UGGT2: variants seen among roughly 807,000 people sequenced by gnomAD.
UGGT2 encodes the protein UDP-glucose:glycoprotein glucosyltransferase 2.
Under a neutral mutation model 192.1 loss-of-function variants are expected in UGGT2, and 180 were observed. The observed-to-expected ratio is 0.94, with a 90% confidence interval of 0.83 to 1.06. The LOEUF (loss-of-function observed/expected upper bound fraction) is 1.06. Among genes scored for constraint, UGGT2 ranks in the 50% least tolerant of loss-of-function variants. The pLI, the probability that UGGT2 is intolerant of heterozygous loss-of-function variation, is 0.00. For missense variants in UGGT2, 1,849 were observed against 1,795.7 expected, an observed-to-expected ratio of 1.03 and a Z score of -0.54; for synonymous variants, 580 against 591.0, an observed-to-expected ratio of 0.98 and a Z score of 0.27.
At chr13:95,859,168 C>T (rs1489649335) in intron 33 of UGGT2, among the ~76,000 whole-genome samples, 1 of 152,018 alleles carries the variant, frequency 6.6e-6, no homozygotes. Context: ...ACTACACAGA[C>T]GAAAGAGCTT....
At chr13:95,829,437 A>G (rs1886422043) in intron 38 of UGGT2, among the ~76,000 whole-genome samples, 2 of 152,200 alleles carry the variant, frequency 1.3e-5, no homozygotes, top group South Asian at 4.1e-4. Flanking sequence ...TCTCAACCCC[A>G]AATCTCCTTA....
chr13:95,956,634 G>T (rs1466582282), intron 12 of UGGT2, among the ~76,000 whole-genome samples: 1 of 152,178 alleles, frequency 6.6e-6, no homozygotes, highest in African/African-American at 2.4e-5. Context: ...TCATTAGGAT[G>T]GCAATTGCCA....
intron 2 of UGGT2, among the ~76,000 whole-genome samples, chr13:96,024,308 T>C (rs2052601568): frequency 6.6e-6 from 1 of 152,112 alleles, no homozygotes; most frequent in Admixed American, 6.5e-5. Context: ...TTGCCTACTA[T>C]AAACCCTATT....
intron 15 of UGGT2, among the ~76,000 whole-genome samples, chr13:95,945,028 A>T (rs1566737941): frequency 6.6e-6 from 1 of 151,840 alleles, no homozygotes; most frequent in African/African-American, 2.4e-5. Context: ...TTTTATGGCT[A>T]CCTTAGATTT....
chr13:96,031,792 G>T, intron 2 of UGGT2, 97 bp downstream of exon 2: 1 of 820,976 alleles, frequency 1.2e-6, no homozygotes. Context: ...ACCCAGTGAA[G>T]CATTCACACT....
At chr13:95,973,080 G>T (rs915266317) in intron 10 of UGGT2, among the ~76,000 whole-genome samples, 5 of 152,170 alleles carry the variant, frequency 3.3e-5, no homozygotes, top group South Asian at 2.1e-4. Flanking sequence ...TGAGGCAGGA[G>T]AATCACTTGA....
chr13:95,951,978 A>G (rs2050077209), intron 12 of UGGT2, among the ~76,000 whole-genome samples: 1 of 151,854 alleles, frequency 6.6e-6, no homozygotes, highest in African/African-American at 2.4e-5. Flanking sequence ...GAATCGCTTG[A>G]ACCCAGGAGG....
Position 95,952,385 on chromosome 13 carries a change from A to G in UGGT2, c.1336-2931T>C, listed in dbSNP as rs529194879. The stretch of plus-strand genomic sequence containing the variant: ...GTTCCAGGACTCCCCGAGGATACCA[A>G]AATCTAAGAATATGCAAGTCTCTAA... On this transcript the variant is annotated intron_variant, in intron 12 of 38. Coordinates refer to ENST00000376747, the MANE Select transcript of UGGT2 (RefSeq NM_020121.4). Among the ~76,000 whole-genome samples, 3 of 152,234 alleles carry G rather than the reference A, an allele frequency of 2.0e-5. No homozygotes were observed. The South Asian group carries it at 6.2e-4, about 32-fold the overall frequency.
intron 12 of UGGT2, among the ~76,000 whole-genome samples, chr13:95,954,941 CT>C (rs2050170173): frequency 6.6e-6 from 1 of 152,170 alleles, no homozygotes; most frequent in African/African-American, 2.4e-5. Flanking sequence ...ATCTGAAACC[CT>C]TCTGGTCCCA....
At chr13:95,952,716 A>G (rs2050105003) in intron 12 of UGGT2, among the ~76,000 whole-genome samples, 1 of 152,072 alleles carries the variant, frequency 6.6e-6, no homozygotes, top group Non-Finnish European at 1.5e-5. Context: ...TTTCCCTTCT[A>G]TGAAGATAAT....
intron 12 of UGGT2, among the ~76,000 whole-genome samples, chr13:95,962,501 A>C (rs1434746410): frequency 6.6e-6 from 1 of 152,172 alleles, no homozygotes; most frequent in Non-Finnish European, 1.5e-5. Flanking sequence ...ATTAGGAAGA[A>C]ACAGAAAACC....
At chr13:96,032,029 T>C in intron 1 of UGGT2, 58 bp from the exon 2 acceptor site, 3 of 1,299,192 alleles carry the variant, frequency 2.3e-6, no homozygotes, top group South Asian at 1.3e-5. Context: ...GTTTAGATAC[T>C]ATAAACTGTA....
chr13:95,986,199 G>A (rs1014117576), intron 9 of UGGT2, 134 bp downstream of exon 9: 4 of 588,646 alleles, frequency 6.8e-6, no homozygotes, highest in Non-Finnish European at 1.2e-5. Context: ...ATATTGAAAA[G>A]GCCCTGATTT....
chr13:95,871,535 AC>A (rs1891221182), intron 29 of UGGT2, among the ~76,000 whole-genome samples: 2 of 152,218 alleles, frequency 1.3e-5, no homozygotes, highest in Non-Finnish European at 2.9e-5. Flanking sequence ...GTTGGGATGC[AC>A]AGAGGACTCA....
At chr13:95,828,982 G>C (rs1886355498) in intron 38 of UGGT2, among the ~76,000 whole-genome samples, 1 of 152,112 alleles carries the variant, frequency 6.6e-6, no homozygotes, top group African/African-American at 2.4e-5. Flanking sequence ...TGATCAAGTG[G>C]GTTTCATCCC....
intron 5 of UGGT2, among the ~76,000 whole-genome samples, chr13:96,004,775 G>C (rs1259663201): frequency 6.6e-6 from 1 of 150,440 alleles, no homozygotes; most frequent in African/African-American, 2.5e-5. Flanking sequence ...TCAAAACAAG[G>C]AAAAATAATT....
Position 96,053,338 on chromosome 13 carries a change from C to G in UGGT2, c.-26G>C. On this transcript the variant is annotated 5_prime_UTR_variant, in exon 1 of 39. Transcript: ENST00000376747. ...GGCACGGAGAGAAAAGCGCGAGTCC[C>G]TCGGACCCGGTACCCACAGTCTGTG... 6.3e-7 allele frequency: 1 copy of G among 1,575,516 alleles called. No individual in the cohort carries two copies. Among genetic ancestry groups the G allele is most frequent in the South Asian group, 1.1e-5 (1 of 87,188 alleles).
chr13:95,900,717 A>T, intron 22 of UGGT2, 90 bp downstream of exon 22: 1 of 1,358,744 alleles, frequency 7.4e-7, no homozygotes, highest in Non-Finnish European at 9.8e-7. Context: ...TGTGTGTGTC[A>T]GTCACATCAG....
At chr13:95,929,350 G>C (rs1036661981) in intron 17 of UGGT2, among the ~76,000 whole-genome samples, 22 of 152,112 alleles carry the variant, frequency 1.4e-4, no homozygotes, top group African/African-American at 5.1e-4. Flanking sequence ...TACAACACAG[G>C]TGTATCATGT....
Sources: gnomAD v4.1 joint callset for allele counts (sites outside exome capture counted in the v4.1 genomes callset) on GRCh38, gnomAD v4.1.1 for gene constraint, MANE v1.5 for transcripts, NCBI Gene and HGNC (gene_info 2026-07-23, HGNC 2026-07-21) for gene names.